Variants in DPYD observed in about 807,000 individuals in gnomAD.
DPYD encodes dihydropyrimidine dehydrogenase, also known as dihydropyrimidine dehydrogenase [NADP(+)].
DPYD carries 109 observed loss-of-function variants against 116.2 expected under a neutral mutation model. The observed-to-expected ratio is 0.94, with a 90% CI of 0.80 to 1.10. The LOEUF (loss-of-function observed/expected upper bound fraction) is 1.10. Ranked by LOEUF, DPYD falls within the 50% of genes least tolerant of loss-of-function variation. DPYD has a pLI of 0.00. For missense variants in DPYD, 1,302 were observed against 1,254.5 expected, an observed-to-expected ratio of 1.04 and a Z score of -0.57; for synonymous variants, 440 against 432.0, an observed-to-expected ratio of 1.02 and a Z score of -0.23.
At chr1:97,686,623 C>T (rs1446407376) in intron 7 of DPYD, among the ~76,000 whole-genome samples, 1 of 104,324 alleles carries the variant, frequency 9.6e-6, no homozygotes, top group Non-Finnish European at 1.7e-5. Context: ...GGCGACAGAG[C>T]GAGACTCTGT....
chr1:97,623,422 A>G (rs1656739068), intron 8 of DPYD, among the ~76,000 whole-genome samples: 1 of 152,094 alleles, frequency 6.6e-6, no homozygotes, highest in African/African-American at 2.4e-5. Flanking sequence ...TCACTGCAGA[A>G]TAACAGGAAA....
chr1:97,109,742 C>T (rs1651453771), intron 20 of DPYD, among the ~76,000 whole-genome samples: 1 of 151,946 alleles, frequency 6.6e-6, no homozygotes, highest in Admixed American at 6.6e-5. Flanking sequence ...AGTTACAGTT[C>T]AGAGCATACT....
chr1:97,214,766 A>G (rs1660263850), intron 19 of DPYD, among the ~76,000 whole-genome samples: 1 of 152,228 alleles, frequency 6.6e-6, no homozygotes, highest in Non-Finnish European at 1.5e-5. Flanking sequence ...CCACGTGGCC[A>G]GTTGGCTGTC....
chr1:97,483,784 C>T (rs1212220708), intron 13 of DPYD, among the ~76,000 whole-genome samples: 1 of 152,102 alleles, frequency 6.6e-6, no homozygotes, highest in Non-Finnish European at 1.5e-5. Context: ...AGCTAGCTTG[C>T]CTGCCCTTCT....
chr1:97,641,061 C>T (rs1341959608), intron 8 of DPYD, among the ~76,000 whole-genome samples: 1 of 152,156 alleles, frequency 6.6e-6, no homozygotes, highest in Non-Finnish European at 1.5e-5. Context: ...GATATGACTA[C>T]CTGTCTGGCA....
intron 12 of DPYD, among the ~76,000 whole-genome samples, chr1:97,530,281 A>AATCTCAGC (rs1240683444): frequency 2.1e-5 from 3 of 143,092 alleles, no homozygotes; most frequent in Non-Finnish European, 4.5e-5. Context: ...GCAGCGGCAC[A>AATCTCAGC]ATCTCAGCTC....
chr1:97,195,581 T>C (rs1658708527), intron 19 of DPYD, among the ~76,000 whole-genome samples: 1 of 47,182 alleles, frequency 2.1e-5, no homozygotes, highest in African/African-American at 8.3e-5. Context: ...TATATATATA[T>C]ATATATATAT....
intron 8 of DPYD, among the ~76,000 whole-genome samples, chr1:97,639,462 T>C (rs1277292851): frequency 6.6e-6 from 1 of 152,144 alleles, no homozygotes; most frequent in East Asian, 1.9e-4. Context: ...TTTCAGTTGC[T>C]TTCCTTCATC....
chr1:97,287,187 T>C (rs1027798115), intron 18 of DPYD, among the ~76,000 whole-genome samples: 2 of 152,258 alleles, frequency 1.3e-5, no homozygotes, highest in Admixed American at 1.3e-4. Context: ...TTACTAGAGG[T>C]CCACTCCAGA....
At position 97,835,749 on chromosome 1, in the gene DPYD, G is replaced by T. The variant is rs558479662; in HGVS notation, c.151-7553C>A. On this transcript the variant is annotated intron_variant, in intron 2 of 22. Coordinates refer to ENST00000370192, the MANE Select transcript of DPYD (RefSeq NM_000110.4). ...CAGTATCATTATTTCAATATATATT[G>T]TGGAGTTCTATGTCCCATGTACTGC... Among the ~76,000 whole-genome samples, 125 of 152,098 alleles carry T rather than the reference G, an allele frequency of 8.2e-4. 3 individuals are homozygous for T. In the South Asian group the frequency reaches 0.025, roughly 30 times the overall value.
At chr1:97,302,282 T>A (rs1283086345) in intron 18 of DPYD, among the ~76,000 whole-genome samples, 1 of 151,988 alleles carries the variant, frequency 6.6e-6, no homozygotes, top group African/African-American at 2.4e-5. Flanking sequence ...CCATCCTTGT[T>A]TGATAAAAAA....
At chr1:97,418,883 T>A (rs1045366776) in intron 14 of DPYD, among the ~76,000 whole-genome samples, 2 of 152,018 alleles carry the variant, frequency 1.3e-5, no homozygotes, top group South Asian at 4.1e-4. Flanking sequence ...CTAGAAGCAA[T>A]GACACTTACC....
chr1:97,182,306 C>G (rs777126580), intron 20 of DPYD, among the ~76,000 whole-genome samples: 2 of 152,162 alleles, frequency 1.3e-5, no homozygotes, highest in Non-Finnish European at 2.9e-5. Context: ...CTCAAACCAT[C>G]TGACGATATT....
At chr1:97,242,118 G>A (rs1260110543) in intron 18 of DPYD, among the ~76,000 whole-genome samples, 1 of 38,516 alleles carries the variant, frequency 2.6e-5, no homozygotes, top group Admixed American at 2.8e-4. Context: ...ACGTGTGTGT[G>A]CGTGTGTATA....
intron 7 of DPYD, among the ~76,000 whole-genome samples, chr1:97,683,143 T>C (rs931843754): frequency 1.3e-5 from 2 of 152,024 alleles, no homozygotes; most frequent in African/African-American, 2.4e-5. Context: ...AGTTGTCTAA[T>C]AGAAAATTTG....
At chr1:97,413,702 G>A (rs145727543) in intron 14 of DPYD, among the ~76,000 whole-genome samples, 5 of 151,924 alleles carry the variant, frequency 3.3e-5, no homozygotes, top group East Asian at 1.9e-4. Flanking sequence ...TCTTGAACTC[G>A]AGCTCAAACA....
chr1:97,456,132 G>A (rs1196722742), intron 13 of DPYD, among the ~76,000 whole-genome samples: 1 of 151,400 alleles, frequency 6.6e-6, no homozygotes, highest in Non-Finnish European at 1.5e-5. Context: ...TATCTAGTAA[G>A]CATTCGAGAT....
At chr1:97,493,023 A>C (rs767957230) in intron 13 of DPYD, among the ~76,000 whole-genome samples, 1 of 152,184 alleles carries the variant, frequency 6.6e-6, no homozygotes, top group African/African-American at 2.4e-5. Flanking sequence ...GATTGGCTAG[A>C]CTTGCTGGTT....
chr1:97,406,276 CTTTT>C (rs201319330), intron 14 of DPYD, among the ~76,000 whole-genome samples: 18 of 61,092 alleles, frequency 2.9e-4, no homozygotes, highest in Admixed American at 2.1e-3. Context: ...GTCTCTTTAG[CTTTT>C]TTTTTTTTTA....
Sources: allele counts gnomAD v4.1 joint callset (sites outside exome capture counted in the v4.1 genomes callset), GRCh38; gene constraint gnomAD v4.1.1; transcripts MANE v1.5; gene names NCBI Gene and HGNC (gene_info 2026-07-23, HGNC 2026-07-21).